The following PEX11G variants were observed in gnomAD, a reference collection of about 807,000 sequenced individuals.
PEX11G encodes the protein peroxisomal biogenesis factor 11 gamma, also known as peroxisomal membrane protein 11C.
Under a neutral mutation model 22.5 loss-of-function variants are expected in PEX11G, and 20 were observed. The ratio of observed to expected loss-of-function variants is 0.89; its 90% CI spans 0.62 to 1.29. The LOEUF (loss-of-function observed/expected upper bound fraction) is 1.29. Among genes scored for constraint, PEX11G ranks in the 50% most tolerant of loss-of-function variants. The probability of loss-of-function intolerance (pLI) is 0.00; values close to 1 mark genes in which losing one functional copy is unlikely to be tolerated. For synonymous variants in PEX11G, 141 were observed against 154.5 expected (o/e 0.91, Z 0.65); for missense variants, 347 against 331.3 (o/e 1.05, Z -0.37).
In PEX11G at chr19:7,481,221, C is replaced by T. The variant is rs1422930613; in HGVS notation, c.428+812G>A. Among the ~76,000 whole-genome samples the T allele has an allele frequency of 2.6e-5, 4 of 152,000 alleles. No homozygotes were observed. The East Asian group carries it at 7.7e-4, about 29-fold the overall frequency. On this transcript the variant is annotated intron_variant, in intron 3 of 4. Coordinates refer to ENST00000221480, the MANE Select transcript of PEX11G (RefSeq NM_080662.4). ...AGCTAAGGATTTTTTCTTTTTTTGA[C>T]ACGGAATCTTGCTCTGTCGCCAGGC...
intron 3 of PEX11G, among the ~76,000 whole-genome samples, chr19:7,480,718 G>T (rs1977451793): frequency 6.6e-6 from 1 of 152,084 alleles, no homozygotes; most frequent in Admixed American, 6.6e-5. Context: ...GCCTCGACCA[G>T]GGACAAGCAA....
chr19:7,480,319 G>T (rs1035699787), intron 3 of PEX11G, among the ~76,000 whole-genome samples: 3 of 152,084 alleles, frequency 2.0e-5, no homozygotes, highest in Admixed American at 1.3e-4. Context: ...CAAACCAGAG[G>T]TCACGAGGCA....
chr19:7,489,836 C>A (rs2021835512), upstream of PEX11G, among the ~76,000 whole-genome samples: 1 of 150,878 alleles, frequency 6.6e-6, no homozygotes, highest in Non-Finnish European at 1.5e-5. Flanking sequence ...CCTTTAGACT[C>A]TTGTCTGGAG....
chr19:7,477,327 G>C lies in PEX11G; in HGVS notation c.601C>G (p.Arg201Gly). The part of the protein sequence containing the change: ...DLANAVHWLP[R>G]GVLWAGRFPP... ...AAGCGGCCGGCCCACAGCACGCCCCGGGGCAGCCAGTGCACGGCGTTGGCC... is the reference window on the plus strand; with the variant it reads ...AAGCGGCCGGCCCACAGCACGCCCCCGGGCAGCCAGTGCACGGCGTTGGCC... The change falls in exon 5 of 5, where the codon CGG (arginine) becomes GGG (glycine). Residue 201 changes from arginine (R) to glycine (G), a missense_variant. By Grantham distance (125) the Arg-to-Gly change is moderately radical. Transcript: ENST00000221480. The C allele has an allele frequency of 1.3e-6, 2 of 1,557,644 alleles. No homozygotes were observed. Among genetic ancestry groups the C allele is most frequent in the Admixed American group, 1.9e-5 (1 of 51,480 alleles).
intron 3 of PEX11G, among the ~76,000 whole-genome samples, chr19:7,479,484 A>C (rs977089670): frequency 6.6e-6 from 1 of 152,184 alleles, no homozygotes; most frequent in Non-Finnish European, 1.5e-5. Context: ...ACTGTGTCTC[A>C]AGAAAAGAAT....
At position 7,477,138 on chromosome 19, in the gene PEX11G, C is replaced by T. The variant is rs1376229393; in HGVS notation, c.*64G>A. ...AGAGCCCCGGCCCCTGCCCTGGCGG[C>T]TTCTGCTTTGCGGGAAGGGCCCTCC... On this transcript the variant is annotated 3_prime_UTR_variant, in exon 5 of 5. Coordinates refer to ENST00000221480, the MANE Select transcript of PEX11G (RefSeq NM_080662.4). 4.4e-6 allele frequency: 6 copies of T among 1,366,412 alleles called. No homozygotes were observed. Among genetic ancestry groups the T allele is most frequent in the African/African-American group, 1.5e-5 (1 of 65,976 alleles). 84.6% of individuals were successfully genotyped at this position (1,366,412 alleles called of 1,614,324 possible).
chr19:7,478,604 C>T (rs1278339513), intron 3 of PEX11G, among the ~76,000 whole-genome samples: 3 of 152,130 alleles, frequency 2.0e-5, no homozygotes, highest in South Asian at 2.1e-4. Flanking sequence ...GCACTTCTGA[C>T]GTGGCCATCC....
At chr19:7,484,362 A>G (rs1420627574) in intron 2 of PEX11G, among the ~76,000 whole-genome samples, 2 of 151,972 alleles carry the variant, frequency 1.3e-5, no homozygotes, top group Non-Finnish European at 2.9e-5. Context: ...TCCAAAAAAA[A>G]AGAAAGATAA....
intron 1 of PEX11G, among the ~76,000 whole-genome samples, chr19:7,488,488 T>C (rs2021763025): frequency 6.6e-6 from 1 of 152,116 alleles, no homozygotes; most frequent in Non-Finnish European, 1.5e-5. Context: ...ACAGGTTGGG[T>C]TGGCAGAAAC....
At chr19:7,492,777 CTCT>C (rs1245250699), upstream of PEX11G, among the ~76,000 whole-genome samples, 1 of 152,162 alleles carries the variant, frequency 6.6e-6, no homozygotes, top group African/African-American at 2.4e-5. Context: ...AGAATATTTC[CTCT>C]TGATTTCAAC....
intron 4 of PEX11G, 147 bp from the exon 5 acceptor site, chr19:7,477,583 T>G: frequency 1.6e-6 from 1 of 618,842 alleles, no homozygotes; most frequent in South Asian, 2.9e-5. Flanking sequence ...TCCCTGACCA[T>G]CCACAGAGAC....
chr19:7,483,525 C>T lies in PEX11G; in HGVS notation c.250-1314G>A, dbSNP rs560584859. Among the ~76,000 whole-genome samples the T allele has an allele frequency of 8.8e-4, 134 of 152,322 alleles. 3 individuals carry two copies. Among genetic ancestry groups the T allele is most frequent in the South Asian group, 7.9e-3 (38 of 4,830 alleles). On this transcript the variant is annotated intron_variant, in intron 2 of 4. Coordinates refer to ENST00000221480, the MANE Select transcript of PEX11G (RefSeq NM_080662.4). ...GGGACACTCGAGGTGCAAGGGCCTC[C>T]ACCCCTTGCCTGAGGGCTCTTCCAC... is the stretch of plus-strand genomic sequence containing the variant.
intron 2 of PEX11G, among the ~76,000 whole-genome samples, chr19:7,484,579 C>A (rs897848746): frequency 6.6e-6 from 1 of 151,896 alleles, no homozygotes; most frequent in African/African-American, 2.4e-5. Flanking sequence ...TCGAGACTAG[C>A]CTGGCCAACA....
chr19:7,491,539 G>C (rs1307435106), upstream of PEX11G, among the ~76,000 whole-genome samples: 1 of 152,062 alleles, frequency 6.6e-6, no homozygotes, highest in African/African-American at 2.4e-5. Context: ...AAAGTGCTGG[G>C]ATTACAGGCA....
intron 2 of PEX11G, 106 bp downstream of exon 2, chr19:7,485,732 G>A (rs2021615918): frequency 9.4e-7 from 1 of 1,061,594 alleles, no homozygotes; most frequent in Non-Finnish European, 1.4e-6. Context: ...GCCTCACAAA[G>A]TGCTGGGATT....
chr19:7,482,126 G>T lies in PEX11G; in HGVS notation c.335C>A (p.Ala112Glu), dbSNP rs762244896. Reference sequence around the variant, plus strand: ...CACGTGGAGGACCCGGGCATCAGCCGCCCAGGCCACGTGCTCACAGGGGTA... The same window carrying T: ...CACGTGGAGGACCCGGGCATCAGCCTCCCAGGCCACGTGCTCACAGGGGTA... ...LYYPCEHVAW[A>E]ADARVLHVDS... is the part of the protein sequence containing the mutation. The change falls in exon 3 of 5, where the codon GCG becomes GAG. Residue 112 changes from alanine to glutamate, a missense_variant. Ala to Glu is a moderately radical substitution (Grantham distance 107). Coordinates refer to ENST00000221480, the MANE Select transcript of PEX11G (RefSeq NM_080662.4). 1 of 1,598,418 alleles carries T rather than the reference G, an allele frequency of 6.3e-7. No homozygotes were observed. Among genetic ancestry groups the T allele is most frequent in the African/African-American group, 1.3e-5 (1 of 74,626 alleles).
upstream of PEX11G, chr19:7,489,566 G>A (rs1483939763): frequency 4.4e-6 from 4 of 910,406 alleles, no homozygotes; most frequent in Admixed American, 6.2e-5. Flanking sequence ...ATTAGTACAT[G>A]CACATGTTGG....
chr19:7,488,325 C>G (rs1333523751), intron 1 of PEX11G, among the ~76,000 whole-genome samples: 3 of 152,194 alleles, frequency 2.0e-5, no homozygotes, highest in Non-Finnish European at 2.9e-5. Flanking sequence ...AAATGCCCAA[C>G]TATAGGGAAT....
upstream of PEX11G, chr19:7,489,099 G>A: frequency 2.2e-6 from 3 of 1,355,526 alleles, no homozygotes; most frequent in Non-Finnish European, 2.8e-6. Context: ...AAAGGCTTGC[G>A]CGCAGGCGCG....
Sources: gnomAD v4.1 joint callset for allele counts (sites outside exome capture counted in the v4.1 genomes callset) on GRCh38, gnomAD v4.1.1 for gene constraint, MANE v1.5 for transcripts, NCBI Gene and HGNC (gene_info 2026-07-23, HGNC 2026-07-21) for gene names.